Variants in FLT1 observed in about 807,000 individuals in gnomAD.
The protein encoded by FLT1 is fms related receptor tyrosine kinase 1, also known as vascular endothelial growth factor receptor 1.
A neutral mutation model predicts 156.3 loss-of-function variants in FLT1; 49 were observed. The ratio of observed to expected loss-of-function variants is 0.31; its 90% CI spans 0.25 to 0.40. The LOEUF (loss-of-function observed/expected upper bound fraction) is 0.40, where lower values mean the gene tolerates loss of function less well. Among genes scored for constraint, FLT1 ranks in the 10% least tolerant of loss-of-function variants. The pLI, the probability that FLT1 is intolerant of heterozygous loss-of-function variation, is 1.00. For synonymous variants in FLT1, 594 were observed against 583.8 expected (o/e 1.02, Z -0.25); for missense variants, 1,322 against 1,637.2 (o/e 0.81, Z 3.32).
At chr13:28,385,783 A>T in intron 13 of FLT1, 1 of 1,030,724 alleles carries the variant, frequency 9.7e-7, no homozygotes, top group Non-Finnish European at 1.2e-6. Flanking sequence ...AATTCAATAC[A>T]TTAAGATGCA....
chr13:28,303,123 A>C lies in FLT1; in HGVS notation c.*44T>G. ...TGGCAAAAGCTAGTTTCCTGGGGGT[A>C]TAAATACACATGTGCTTCTAGAAAT... On this transcript the variant is annotated 3_prime_UTR_variant, in exon 30 of 30. Transcript: ENST00000282397. 6.4e-7 allele frequency: 1 copy of C among 1,558,604 alleles called. No individual in the cohort carries two copies. Among genetic ancestry groups the C allele is most frequent in the Non-Finnish European group, 8.8e-7 (1 of 1,140,674 alleles).
intron 1 of FLT1, among the ~76,000 whole-genome samples, chr13:28,479,720 C>T (rs746100508): frequency 6.6e-6 from 1 of 152,162 alleles, no homozygotes; most frequent in African/African-American, 2.4e-5. Flanking sequence ...AAGACTTTAG[C>T]GTTGTTTGTA....
At chr13:28,334,878 C>G (rs146175570) in intron 17 of FLT1, among the ~76,000 whole-genome samples, 208 of 150,992 alleles carry the variant, frequency 1.4e-3, no homozygotes, top group Non-Finnish European at 2.2e-3. Context: ...GTCCTTGCCC[C>G]CCTTTACTCT....
At position 28,321,502 on chromosome 13, in the gene FLT1, C is replaced by T. The variant is rs772846445; in HGVS notation, c.3135G>A (p.Arg1045=). ...CATAATCGGGGTTCTTATAAATATC[C>T]CGGGCAAGGCCAAAATCACAAATCT... ...VVKICDFGLA[R]DIYKNPDYVR... is the part of the protein sequence containing the mutation. The change falls in exon 23 of 30, where the codon CGG becomes CGA. Residue 1045 remains arginine (R), a synonymous_variant. Coordinates refer to ENST00000282397, the MANE Select transcript of FLT1 (RefSeq NM_002019.4). 3.3e-5 allele frequency: 53 copies of T among 1,613,984 alleles called. No individual in the cohort carries two copies. Among genetic ancestry groups the T allele is most frequent in the Non-Finnish European group, 4.2e-5 (50 of 1,180,008 alleles).
At chr13:28,385,950 A>G (rs889699441) in intron 13 of FLT1, 14 of 1,049,688 alleles carry the variant, frequency 1.3e-5, no homozygotes, top group Non-Finnish European at 1.6e-5. Context: ...CTTCCAAGGT[A>G]AAAAATAAAA....
At chr13:28,355,007 T>C (rs563568174) in intron 15 of FLT1, among the ~76,000 whole-genome samples, 15 of 152,254 alleles carry the variant, frequency 9.9e-5, no homozygotes, top group Admixed American at 8.5e-4. Context: ...GGAATCAGCA[T>C]AGGAAGTCTA....
intron 10 of FLT1, among the ~76,000 whole-genome samples, chr13:28,423,270 G>C (rs925906595): frequency 4.6e-5 from 7 of 152,054 alleles, no homozygotes; most frequent in Non-Finnish European, 7.4e-5. Flanking sequence ...CACGAACTGG[G>C]AGAATTACTT....
chr13:28,441,038 T>C (rs1566029150), intron 3 of FLT1, among the ~76,000 whole-genome samples: 1 of 152,072 alleles, frequency 6.6e-6, no homozygotes, highest in Non-Finnish European at 1.5e-5. Flanking sequence ...TCCCAACAGA[T>C]AGGAAACACC....
chr13:28,456,618 A>G (rs532200947), intron 3 of FLT1, among the ~76,000 whole-genome samples: 26 of 152,156 alleles, frequency 1.7e-4, no homozygotes, highest in African/African-American at 6.0e-4. Flanking sequence ...CAACATGGTG[A>G]AACCCTGTCT....
chr13:28,409,353 C>CTTTTT (rs60544619), intron 10 of FLT1, among the ~76,000 whole-genome samples: 1 of 143,242 alleles, frequency 7.0e-6, no homozygotes. Flanking sequence ...TTCTTTCTTT[C>CTTTTT]TTTTTTTTTT....
chr13:28,427,824 T>A lies in FLT1; in HGVS notation c.1204A>T (p.Asn402Tyr). The A allele has an allele frequency of 6.2e-7, 1 of 1,613,902 alleles. No individual in the cohort carries two copies. Among genetic ancestry groups the A allele is most frequent in the Non-Finnish European group, 8.5e-7 (1 of 1,179,798 alleles). The change falls in exon 9 of 30, where the codon AAT becomes TAT. Residue 402 changes from asparagine to tyrosine, a missense_variant. Asn to Tyr is a moderately radical substitution (Grantham distance 143, BLOSUM62 -2). Transcript: ENST00000282397. ...IKDVTEEDAG[N>Y]YTILLSIKQS... The stretch of plus-strand genomic sequence containing the variant: ...TTTATGCTCAGCAAGATTGTATAAT[T>A]CCCTGCATCCTCTTCAGTTACGTCC...
chr13:28,408,662 A>G (rs1440001598), intron 10 of FLT1, among the ~76,000 whole-genome samples: 1 of 152,130 alleles, frequency 6.6e-6, no homozygotes, highest in Non-Finnish European at 1.5e-5. Flanking sequence ...ACAAGAGGAA[A>G]GCAGCGTTCG....
chr13:28,385,016 T>C lies in FLT1; in HGVS notation c.1985A>G (p.Tyr662Cys). 1 of 1,614,030 alleles carries C rather than the reference T, an allele frequency of 6.2e-7. No individual in the cohort carries two copies. Among genetic ancestry groups the C allele is most frequent in the African/African-American group, 1.3e-5 (1 of 74,990 alleles). The change falls in exon 14 of 30, where the codon TAC (tyrosine) becomes TGC (cysteine). Residue 662 changes from tyrosine to cysteine, a missense_variant. By Grantham distance (194) the Tyr-to-Cys change is radical. Transcript: ENST00000282397. Reference sequence around the variant, plus strand: ...GTGATCACTGAGGTTTCGCAGGAGGTATGGTGCTTCCTGATCTAGTGAAGA... The same window carrying C: ...GTGATCACTGAGGTTTCGCAGGAGGCATGGTGCTTCCTGATCTAGTGAAGA... ...EITIRDQEAP[Y>C]LLRNLSDHTV...
At chr13:28,487,811 C>T (rs1370431153) in intron 1 of FLT1, among the ~76,000 whole-genome samples, 1 of 151,920 alleles carries the variant, frequency 6.6e-6, no homozygotes, top group Non-Finnish European at 1.5e-5. Flanking sequence ...GAAAACCTGG[C>T]TATTTAATTG....
intron 10 of FLT1, among the ~76,000 whole-genome samples, chr13:28,418,254 T>C (rs985225762): frequency 4.6e-5 from 7 of 152,156 alleles, no homozygotes; most frequent in African/African-American, 1.7e-4. Flanking sequence ...CAACTGCAGA[T>C]CTGGGGCCCA....
rs7997441 is a variant in FLT1 at position 28,306,203 on chromosome 13, G to A, written c.3815+475C>T. Among the ~76,000 whole-genome samples, 565 of 152,298 alleles carry A rather than the reference G, an allele frequency of 3.7e-3. 5 individuals carry two copies. The highest frequency in any genetic ancestry group is 0.013 in the African/African-American group (539 of 41,560). ...GGGCTTTGTGGAGAAATTGTCAAGT[G>A]AGAAAAGGGTGCCAGGATGAAATGG... On this transcript the variant is annotated intron_variant, in intron 29 of 29. Transcript: ENST00000282397.
At chr13:28,422,597 T>G (rs9513110) in intron 10 of FLT1, among the ~76,000 whole-genome samples, 46,125 of 151,964 alleles carry the variant, frequency 0.3, 7,560 homozygotes, top group East Asian at 0.48. Flanking sequence ...AACAACCAGG[T>G]GGACTCTAGA....
intron 10 of FLT1, among the ~76,000 whole-genome samples, chr13:28,426,901 G>T (rs900792184): frequency 9.9e-5 from 15 of 152,184 alleles, no homozygotes; most frequent in African/African-American, 3.6e-4. Context: ...ACAGCTCATG[G>T]GAGGACCTTA....
chr13:28,412,350 C>CTCTTTCTTTCTTTCTTTCTTTCTT (rs531785690), intron 10 of FLT1, among the ~76,000 whole-genome samples: 2 of 93,708 alleles, frequency 2.1e-5, no homozygotes, highest in African/African-American at 7.6e-5. Flanking sequence ...TTCTTTCTTT[C>CTCTTTCTTTCTTTCTTTCTTTCTT]TCTTTCTTTC....
Sources: gnomAD v4.1 joint callset for allele counts (sites outside exome capture counted in the v4.1 genomes callset) on GRCh38, gnomAD v4.1.1 for gene constraint, MANE v1.5 for transcripts, NCBI Gene and HGNC (gene_info 2026-07-23, HGNC 2026-07-21) for gene names.